Variants in SNX29 observed in about 807,000 individuals in gnomAD.
SNX29 encodes the protein sorting nexin-29.
In SNX29, 78 loss-of-function variants were observed where a neutral mutation model predicts 102.1. The ratio of observed to expected loss-of-function variants is 0.76; its 90% CI spans 0.64 to 0.92. The LOEUF is 0.92. SNX29 is among the 40% of genes least tolerant of loss of function. The pLI, the probability that SNX29 is intolerant of heterozygous loss-of-function variation, is 0.00. For missense variants in SNX29, 1,280 were observed against 1,061.7 expected (o/e 1.21, Z -2.86); for synonymous variants, 580 against 414.5 (o/e 1.40, Z -4.85).
At chr16:12,224,461 GTTTC>G (rs893315400) in intron 14 of SNX29, among the ~76,000 whole-genome samples, 1 of 152,178 alleles carries the variant, frequency 6.6e-6, no homozygotes, top group African/African-American at 2.4e-5. Flanking sequence ...CACAGGACGT[GTTTC>G]TTAACACGGT....
rs568178617 is a variant in SNX29, at chr16:12,424,715, A to T, written c.2037+21186A>T. 2.0e-5 allele frequency among the ~76,000 whole-genome samples: 3 copies of T among 152,122 alleles called. No homozygotes were observed. In the South Asian group the frequency reaches 6.2e-4, roughly 32 times the overall value. Reference sequence around the variant, plus strand: ...ACCTTGTTGTTCCGAGTGGAGTTCTATCTGGGGGGATACCTGTAACAGACA... The same window carrying T: ...ACCTTGTTGTTCCGAGTGGAGTTCTTTCTGGGGGGATACCTGTAACAGACA... On this transcript the variant is annotated intron_variant, in intron 18 of 20. Transcript: ENST00000566228.
chr16:12,246,996 C>T (rs1417172366), intron 14 of SNX29, among the ~76,000 whole-genome samples: 1 of 152,116 alleles, frequency 6.6e-6, no homozygotes, highest in Non-Finnish European at 1.5e-5. Context: ...GCCTGTGTTG[C>T]TAGAACTCAG....
intron 20 of SNX29, 23 bp from the exon 21 acceptor site, chr16:12,568,483 C>G (rs541950373): frequency 6.2e-7 from 1 of 1,608,102 alleles, no homozygotes; most frequent in South Asian, 1.1e-5. Context: ...AGACTTAACC[C>G]GATTCTCTCC....
chr16:12,188,419 T>G (rs1159906820), intron 13 of SNX29, among the ~76,000 whole-genome samples: 1 of 152,184 alleles, frequency 6.6e-6, no homozygotes, highest in Non-Finnish European at 1.5e-5. Context: ...AGTGCTGAAA[T>G]GAGCTGCCTT....
At chr16:12,262,549 G>A (rs1409935000) in intron 14 of SNX29, among the ~76,000 whole-genome samples, 2 of 152,196 alleles carry the variant, frequency 1.3e-5, no homozygotes, top group Non-Finnish European at 2.9e-5. Flanking sequence ...GACAAAGAAC[G>A]GGGCTGGTCT....
chr16:12,120,719 T>C (rs148949626), intron 11 of SNX29, among the ~76,000 whole-genome samples: 1 of 152,322 alleles, frequency 6.6e-6, no homozygotes, highest in Non-Finnish European at 1.5e-5. Flanking sequence ...CCTGCTCCAC[T>C]GTTGTTTTTG....
chr16:12,162,820 G>C (rs2055846748), intron 13 of SNX29, among the ~76,000 whole-genome samples: 2 of 152,178 alleles, frequency 1.3e-5, no homozygotes, highest in South Asian at 2.1e-4. Flanking sequence ...TCATGGTGCT[G>C]GGCAGCGGCA....
At chr16:12,438,877 G>T (rs551854977) in intron 18 of SNX29, among the ~76,000 whole-genome samples, 1 of 152,220 alleles carries the variant, frequency 6.6e-6, no homozygotes, top group East Asian at 1.9e-4. Flanking sequence ...AGCCGGGCCT[G>T]TTGGAAGAAC....
chr16:12,015,784 C>G (rs973992062), intron 3 of SNX29, among the ~76,000 whole-genome samples: 1 of 151,948 alleles, frequency 6.6e-6, no homozygotes, highest in Non-Finnish European at 1.5e-5. Flanking sequence ...ATCTGCCCAC[C>G]TTGGCCTCCC....
chr16:11,981,121 C>A (rs1396686635), intron 1 of SNX29, among the ~76,000 whole-genome samples: 2 of 152,020 alleles, frequency 1.3e-5, no homozygotes. Context: ...GTGCACACCC[C>A]CACACCCAGC....
At chr16:12,564,270 C>G (rs749569837) in intron 20 of SNX29, among the ~76,000 whole-genome samples, 5 of 152,182 alleles carry the variant, frequency 3.3e-5, no homozygotes, top group Non-Finnish European at 5.9e-5. Context: ...TATTAGATGC[C>G]TCTACCAGTA....
intron 18 of SNX29, 104 bp from the exon 19 acceptor site, chr16:12,477,615 T>A: frequency 1.5e-6 from 2 of 1,362,334 alleles, no homozygotes; most frequent in Non-Finnish European, 1.0e-6. Flanking sequence ...GTGACACAGA[T>A]GTGACTCTTG....
chr16:12,310,922 T>C (rs1462441578), intron 15 of SNX29, among the ~76,000 whole-genome samples: 1 of 152,104 alleles, frequency 6.6e-6, no homozygotes, highest in Admixed American at 6.5e-5. Flanking sequence ...AACGAAGAAG[T>C]AGCACATCCC....
intron 19 of SNX29, among the ~76,000 whole-genome samples, chr16:12,495,125 C>A (rs148198027): frequency 1.3e-5 from 2 of 152,164 alleles, no homozygotes; most frequent in African/African-American, 4.8e-5. Context: ...TGGTTTTCTC[C>A]TCTGGCAGGT....
intron 13 of SNX29, among the ~76,000 whole-genome samples, chr16:12,169,136 T>G (rs1203127704): frequency 6.6e-6 from 1 of 152,232 alleles, no homozygotes; most frequent in Non-Finnish European, 1.5e-5. Context: ...GTGAATATGC[T>G]GAAAACCACT....
At chr16:12,064,178 C>G (rs1470995762) in intron 9 of SNX29, among the ~76,000 whole-genome samples, 3 of 152,174 alleles carry the variant, frequency 2.0e-5, no homozygotes, top group African/African-American at 7.2e-5. Context: ...TCCTTTGCCG[C>G]TTAGCTGGGC....
chr16:12,417,119 C>A (rs996370614), intron 18 of SNX29, among the ~76,000 whole-genome samples: 3 of 152,222 alleles, frequency 2.0e-5, no homozygotes, highest in East Asian at 1.9e-4. Flanking sequence ...GGGAGCCTAC[C>A]ATTCCATGAG....
intron 14 of SNX29, among the ~76,000 whole-genome samples, chr16:12,261,472 G>A (rs1394690149): frequency 7.1e-6 from 1 of 141,554 alleles, no homozygotes; most frequent in Non-Finnish European, 1.5e-5. Flanking sequence ...GGCTGAGCTC[G>A]GGTCTGTGTG....
chr16:12,070,935 A>AT (rs1256102285), intron 10 of SNX29, among the ~76,000 whole-genome samples: 11 of 152,058 alleles, frequency 7.2e-5, no homozygotes, highest in African/African-American at 2.7e-4. Flanking sequence ...GATGATGAGC[A>AT]TTTTTTCATG....
Sources: allele counts gnomAD v4.1 joint callset (sites outside exome capture counted in the v4.1 genomes callset), GRCh38; gene constraint gnomAD v4.1.1; transcripts MANE v1.5; gene names NCBI Gene and HGNC (gene_info 2026-07-23, HGNC 2026-07-21).